PTPRD: variants seen among roughly 807,000 people sequenced by gnomAD.
PTPRD encodes receptor-type tyrosine-protein phosphatase delta.
In PTPRD, 34 loss-of-function variants were observed where a neutral mutation model predicts 214.5. The ratio of observed to expected loss-of-function variants is 0.16; its 90% CI spans 0.12 to 0.21. PTPRD has a LOEUF of 0.21. Among genes scored for constraint, PTPRD ranks in the 10% least tolerant of loss-of-function variants. PTPRD has a pLI of 1.00. For missense variants in PTPRD, 2,545 were observed against 2,398.7 expected (o/e 1.06, Z -1.27); for synonymous variants, 1,128 against 845.7 (o/e 1.33, Z -5.79).
At chr9:9,769,208 C>T (rs748801861) in intron 5 of PTPRD, among the ~76,000 whole-genome samples, 2 of 150,156 alleles carry the variant, frequency 1.3e-5, no homozygotes, top group Non-Finnish European at 2.9e-5. Flanking sequence ...ACAGGGTGGA[C>T]GATATATTTT....
chr9:10,134,653 G>A (rs747454261), intron 3 of PTPRD, among the ~76,000 whole-genome samples: 18 of 151,838 alleles, frequency 1.2e-4, no homozygotes, highest in African/African-American at 2.2e-4. Context: ...GAAGCTAGTC[G>A]TGTATATTCA....
At chr9:8,475,271 A>G (rs1277654502) in intron 30 of PTPRD, among the ~76,000 whole-genome samples, 2 of 152,272 alleles carry the variant, frequency 1.3e-5, no homozygotes, top group Non-Finnish European at 2.9e-5. Context: ...TTGCCCTCTT[A>G]GCAGACCTTT....
At chr9:8,812,082 T>C (rs576381271) in intron 11 of PTPRD, among the ~76,000 whole-genome samples, 1 of 152,204 alleles carries the variant, frequency 6.6e-6, no homozygotes, top group African/African-American at 2.4e-5. Flanking sequence ...AGGCTGCATG[T>C]TCCTATCCTA....
At chr9:8,579,647 C>A (rs2092847646) in intron 14 of PTPRD, among the ~76,000 whole-genome samples, 1 of 152,174 alleles carries the variant, frequency 6.6e-6, no homozygotes, top group Admixed American at 6.5e-5. Context: ...GAATAAGAGA[C>A]ATTTACATAA....
intron 2 of PTPRD, among the ~76,000 whole-genome samples, chr9:10,478,061 G>C (rs925791468): frequency 1.3e-5 from 2 of 151,518 alleles, no homozygotes; most frequent in Admixed American, 6.6e-5. Context: ...CAGGTTGATA[G>C]GTGCAGGAAA....
intron 12 of PTPRD, among the ~76,000 whole-genome samples, chr9:8,654,111 C>T (rs2096865138): frequency 6.6e-6 from 1 of 152,164 alleles, no homozygotes; most frequent in Admixed American, 6.5e-5. Flanking sequence ...TCCTAGCTAC[C>T]AGTTGTGACA....
At chr9:8,391,446 A>C (rs1182087027) in intron 36 of PTPRD, among the ~76,000 whole-genome samples, 1 of 152,140 alleles carries the variant, frequency 6.6e-6, no homozygotes, top group African/African-American at 2.4e-5. Context: ...TTGTTGATAA[A>C]GATCCTATTC....
chr9:10,604,362 A>G (rs1567170727), intron 2 of PTPRD, among the ~76,000 whole-genome samples: 1 of 151,864 alleles, frequency 6.6e-6, no homozygotes, highest in Non-Finnish European at 1.5e-5. Flanking sequence ...AGCCAGTATG[A>G]ATGTGTCTTA....
At chr9:9,585,638 T>C (rs2091805329) in intron 7 of PTPRD, among the ~76,000 whole-genome samples, 1 of 152,066 alleles carries the variant, frequency 6.6e-6, no homozygotes, top group African/African-American at 2.4e-5. Flanking sequence ...TCATTACTGA[T>C]TCTTCCCTTT....
intron 9 of PTPRD, among the ~76,000 whole-genome samples, chr9:9,357,065 G>A (rs1889107): frequency 0.84 from 127,373 of 151,250 alleles, 54,030 homozygotes; most frequent in East Asian, 1. Context: ...TTATCAATCC[G>A]TCAGTAGACT....
At chr9:9,352,182 GC>G (rs1313740298) in intron 9 of PTPRD, among the ~76,000 whole-genome samples, 1 of 151,572 alleles carries the variant, frequency 6.6e-6, no homozygotes, top group African/African-American at 2.4e-5. Context: ...CACATGAAGA[GC>G]ACCTTCACTT....
intron 13 of PTPRD, 142 bp downstream of exon 13, chr9:8,636,557 T>C: frequency 9.0e-7 from 1 of 1,116,876 alleles, no homozygotes; most frequent in Non-Finnish European, 1.2e-6. Context: ...CATTTAGAGT[T>C]ACATTTTCCA....
chr9:9,809,092 G>T (rs899652718), intron 5 of PTPRD, among the ~76,000 whole-genome samples: 10 of 151,894 alleles, frequency 6.6e-5, no homozygotes, highest in African/African-American at 2.2e-4. Context: ...AGCCTGAAGA[G>T]GGCATTTAAT....
chr9:9,543,828 G>C (rs2078145968), intron 8 of PTPRD, among the ~76,000 whole-genome samples: 1 of 151,582 alleles, frequency 6.6e-6, no homozygotes, highest in African/African-American at 2.4e-5. Context: ...GAAAATAACT[G>C]CTTTTGGGAA....
At chr9:8,715,038 T>C (rs1040936963) in intron 12 of PTPRD, among the ~76,000 whole-genome samples, 4 of 151,604 alleles carry the variant, frequency 2.6e-5, no homozygotes, top group African/African-American at 9.7e-5. Context: ...TAAGGACCTA[T>C]ATACAAGACA....
intron 9 of PTPRD, among the ~76,000 whole-genome samples, chr9:9,243,995 AACAG>A (rs1299154299): frequency 5.9e-5 from 9 of 151,942 alleles, no homozygotes; most frequent in African/African-American, 1.4e-4. Flanking sequence ...ATACACCAAT[AACAG>A]ACAGAGAGCC....
At chr9:9,666,147 T>A (rs1182061408) in intron 7 of PTPRD, among the ~76,000 whole-genome samples, 2 of 151,820 alleles carry the variant, frequency 1.3e-5, no homozygotes, top group Non-Finnish European at 2.9e-5. Flanking sequence ...AGATGAAGTA[T>A]ATATGTATTA....
intron 3 of PTPRD, among the ~76,000 whole-genome samples, chr9:10,149,237 C>A (rs751173848): frequency 6.6e-6 from 1 of 152,156 alleles, no homozygotes; most frequent in African/African-American, 2.4e-5. Flanking sequence ...AGTTTTGTCA[C>A]TTTTTCATCC....
chr9:10,126,851 G>C (rs1439512314), intron 3 of PTPRD, among the ~76,000 whole-genome samples: 1 of 151,506 alleles, frequency 6.6e-6, no homozygotes, highest in Non-Finnish European at 1.5e-5. Flanking sequence ...GATTCATAAT[G>C]CTTTTCTCCT....
Sources: gnomAD v4.1 joint callset for allele counts (sites outside exome capture counted in the v4.1 genomes callset) on GRCh38, gnomAD v4.1.1 for gene constraint, MANE v1.5 for transcripts, NCBI Gene and HGNC (gene_info 2026-07-23, HGNC 2026-07-21) for gene names.